The following PUDP variants were observed in gnomAD, a reference collection of about 807,000 sequenced individuals.
PUDP encodes the protein pseudouridine-5'-phosphatase.
In PUDP, 8 loss-of-function variants were observed where a neutral mutation model predicts 9.4. The ratio of observed to expected loss-of-function variants is 0.85; its 90% CI spans 0.50 to 1.53. PUDP has a LOEUF of 1.53. PUDP is among the 40% of genes most tolerant of loss of function. PUDP has a pLI of 0.00. For synonymous variants in PUDP, 99 were observed against 80.7 expected (o/e 1.23, Z -1.22); for missense variants, 188 against 189.7 (o/e 0.99, Z 0.05).
chrX:6,874,142 AAAAG>A (rs1237757436), intron 3 of PUDP, among the ~76,000 whole-genome samples: 1 of 110,877 alleles, frequency 9.0e-6, no homozygotes, highest in Non-Finnish European at 1.9e-5. Context: ...TCTTAAAAAA[AAAAG>A]AAAGAAAGGA....
chrX:7,054,365 G>A (rs778986670), intron 3 of PUDP, among the ~76,000 whole-genome samples: 2 of 109,547 alleles, frequency 1.8e-5, no homozygotes, highest in South Asian at 4.0e-4. Context: ...AGTCAAGATC[G>A]TGCCACTGCA....
At chrX:6,858,587 T>C (rs965511107) in intron 3 of PUDP, among the ~76,000 whole-genome samples, 4 of 111,651 alleles carry the variant, frequency 3.6e-5, no homozygotes, top group African/African-American at 9.8e-5. Context: ...TCCAAAGTGC[T>C]AGGATTACAG....
In PUDP at chrX:6,903,943, T is replaced by A. The variant is rs770384005; in HGVS notation, c.*247+73190A>T. On this transcript the variant is annotated intron_variant and NMD_transcript_variant, in intron 3 of 3. Coordinates refer to the PUDP transcript ENST00000655425. Reference sequence around the variant, plus strand: ...CACATGTACCCCCAAGTTTAAAAAATATATATATATTTATTTTTTTTTTTT... The same window carrying A: ...CACATGTACCCCCAAGTTTAAAAAAAATATATATATTTATTTTTTTTTTTT... Among the ~76,000 whole-genome samples, 26 of 101,126 alleles carry A rather than the reference T, an allele frequency of 2.6e-4. No individual in the cohort carries two copies. The South Asian group carries it at 8.5e-3, about 33-fold the overall frequency. 87.8% of individuals were successfully genotyped at this position (101,126 alleles called of 115,157 possible).
intron 2 of PUDP, among the ~76,000 whole-genome samples, 173 bp downstream of exon 2, chrX:7,105,447 C>T (rs2146897883): frequency 9.0e-6 from 1 of 111,697 alleles, no homozygotes; most frequent in Non-Finnish European, 1.9e-5. Flanking sequence ...AATTGAATCA[C>T]AGCATCCCAC....
At chrX:7,043,016 A>G in intron 1 of PUDP, among the ~76,000 whole-genome samples, 1 of 111,421 alleles carries the variant, frequency 9.0e-6, no homozygotes, top group Non-Finnish European at 1.9e-5. Flanking sequence ...AACACCGGCC[A>G]CCCTCCATAA....
At chrX:6,725,071 G>C (rs1447031327), upstream of PUDP, among the ~76,000 whole-genome samples, 1 of 111,750 alleles carries the variant, frequency 8.9e-6, no homozygotes, top group Non-Finnish European at 1.9e-5. Context: ...GAGCACGGTT[G>C]GTCCCCAATG....
At chrX:6,769,867 CAT>C (rs760027389) in intron 3 of PUDP, among the ~76,000 whole-genome samples, 1 of 112,141 alleles carries the variant, frequency 8.9e-6, no homozygotes, top group Non-Finnish European at 1.9e-5. Flanking sequence ...TGTTTACAGT[CAT>C]GTGCTGGGGT....
chrX:7,097,977 T>C (rs1468731839), intron 2 of PUDP, among the ~76,000 whole-genome samples: 2 of 111,455 alleles, frequency 1.8e-5, no homozygotes, highest in African/African-American at 3.3e-5. Flanking sequence ...ATGGTGTCCA[T>C]GTCATGGCTG....
At chrX:7,119,965 T>A (rs770466674) in intron 1 of PUDP, among the ~76,000 whole-genome samples, 216 of 111,598 alleles carry the variant, frequency 1.9e-3, no homozygotes, top group Non-Finnish European at 2.6e-3. Context: ...AACATATGGA[T>A]AAAGGGGCTT....
upstream of PUDP, among the ~76,000 whole-genome samples, chrX:6,724,861 C>T (rs1385177542): frequency 9.0e-6 from 1 of 111,579 alleles, no homozygotes; most frequent in African/African-American, 3.3e-5. Context: ...AGTTAGAAGA[C>T]CTTTTCACAA....
rs747489674 is a variant in PUDP at position 7,091,620 on chromosome X, T to C, written c.280+14000A>G. ...CCTCCCAAAATGCTGGGATTACAGG[T>C]GTGAGCCACCGCGCCCGGCCTTAAA... is the stretch of plus-strand genomic sequence containing the variant. On this transcript the variant is annotated intron_variant, in intron 2 of 3. Transcript: ENST00000381077. 3.1e-4 allele frequency among the ~76,000 whole-genome samples: 34 copies of C among 108,415 alleles called. No individual in the cohort carries two copies. The South Asian group carries it at 0.013, about 41-fold the overall frequency. The allele number at this position is 108,415 out of a possible 115,157, so 94.1% of individuals were successfully genotyped here.
chrX:6,753,709 T>C (rs768465946), intron 3 of PUDP, among the ~76,000 whole-genome samples: 1 of 112,364 alleles, frequency 8.9e-6, no homozygotes, highest in East Asian at 2.8e-4. Flanking sequence ...TTGATTTGCA[T>C]TTCCCTGATC....
At chrX:6,733,233 G>C (rs754154001) in intron 3 of PUDP, among the ~76,000 whole-genome samples, 1 of 112,047 alleles carries the variant, frequency 8.9e-6, no homozygotes, top group East Asian at 2.8e-4. Context: ...ATGGGGGAAA[G>C]GAGCAAGACT....
chrX:6,787,443 C>T (rs1352777800), intron 3 of PUDP, among the ~76,000 whole-genome samples: 2 of 112,099 alleles, frequency 1.8e-5, no homozygotes, highest in African/African-American at 6.5e-5. Flanking sequence ...AGGGTCGTTG[C>T]TATGCCATTG....
At chrX:6,843,172 C>T (rs1409828485) in intron 3 of PUDP, among the ~76,000 whole-genome samples, 2 of 112,399 alleles carry the variant, frequency 1.8e-5, no homozygotes, top group African/African-American at 6.5e-5. Context: ...TCCAATGGAC[C>T]AAAGGCAAAG....
At chrX:6,928,997 C>T (rs1216609370) in intron 3 of PUDP, among the ~76,000 whole-genome samples, 1 of 111,988 alleles carries the variant, frequency 8.9e-6, no homozygotes, top group Non-Finnish European at 1.9e-5. Flanking sequence ...GTTTGCAAAG[C>T]ATGGTCCTAG....
chrX:6,741,806 ATC>A (rs745363071), intron 3 of PUDP, among the ~76,000 whole-genome samples: 5,505 of 100,705 alleles, frequency 0.055, 313 homozygotes, highest in African/African-American at 0.15. Flanking sequence ...CTCTTTTTAA[ATC>A]TCTCTCTCTC....
intron 1 of PUDP, among the ~76,000 whole-genome samples, chrX:7,013,205 G>A (rs1318272547): frequency 4.5e-5 from 5 of 111,565 alleles, no homozygotes; most frequent in Admixed American, 1.9e-4. Context: ...TCTTTTTTTC[G>A]GTGAGACTTG....
At chrX:6,959,341 C>T (rs1309875697) in intron 3 of PUDP, among the ~76,000 whole-genome samples, 1 of 111,699 alleles carries the variant, frequency 9.0e-6, no homozygotes, top group African/African-American at 3.3e-5. Context: ...GAAGTGTCTG[C>T]TTCCCACATT....
Sources: allele counts gnomAD v4.1 joint callset (sites outside exome capture counted in the v4.1 genomes callset), GRCh38; gene constraint gnomAD v4.1.1; transcripts MANE v1.5; gene names NCBI Gene and HGNC (gene_info 2026-07-23, HGNC 2026-07-21).